FAM227B: variants seen among roughly 807,000 people sequenced by gnomAD.
FAM227B encodes the protein family with sequence similarity 227 member B.
A neutral mutation model predicts 73.8 loss-of-function variants in FAM227B; 88 were observed. That is an observed-to-expected ratio of 1.19 (90% CI 1.00 to 1.42). The LOEUF is 1.42. Ranked by LOEUF, FAM227B falls within the 40% of genes most tolerant of loss-of-function variation. FAM227B has a pLI of 0.00. For missense variants in FAM227B, 632 were observed against 590.9 expected, an observed-to-expected ratio of 1.07 and a Z score of -0.72; for synonymous variants, 210 against 190.5, an observed-to-expected ratio of 1.10 and a Z score of -0.84.
chr15:49,496,998 A>G (rs2057673781), intron 11 of FAM227B, among the ~76,000 whole-genome samples: 1 of 152,004 alleles, frequency 6.6e-6, no homozygotes, highest in African/African-American at 2.4e-5. Flanking sequence ...ATGAATCCTA[A>G]ACCACCAGTC....
chr15:49,372,225 TAAATG>T (rs2045891464), intron 11 of FAM227B, among the ~76,000 whole-genome samples: 4 of 149,910 alleles, frequency 2.7e-5, no homozygotes, highest in African/African-American at 9.8e-5. Context: ...CACTTATAAA[TAAATG>T]AAATAAAATT....
At chr15:49,471,473 ACT>A (rs1179282550) in intron 11 of FAM227B, among the ~76,000 whole-genome samples, 1 of 141,760 alleles carries the variant, frequency 7.1e-6, no homozygotes, top group Non-Finnish European at 1.5e-5. Flanking sequence ...ACAGAGTGAG[ACT>A]CTATCTCAAA....
In FAM227B at chr15:49,436,659, G is replaced by C. The variant is rs551291300; in HGVS notation, c.1013-65260C>G. On this transcript the variant is annotated intron_variant, in intron 11 of 15. Coordinates refer to ENST00000299338, the MANE Select transcript of FAM227B (RefSeq NM_152647.3). The stretch of plus-strand genomic sequence containing the variant: ...GGCAGACTTATGCTCATTTGCAGAT[G>C]GGGGAGATTTGGCTCACAGAATTAA... 3.3e-5 allele frequency among the ~76,000 whole-genome samples: 5 copies of C among 150,110 alleles called. No homozygotes were observed. In the East Asian group the frequency reaches 9.7e-4, roughly 29 times the overall value.
At chr15:49,420,232 AC>A (rs2049505373) in intron 11 of FAM227B, among the ~76,000 whole-genome samples, 1 of 152,164 alleles carries the variant, frequency 6.6e-6, no homozygotes, top group Non-Finnish European at 1.5e-5. Flanking sequence ...TTTATTCATT[AC>A]AGCATTTCTT....
intron 13 of FAM227B, among the ~76,000 whole-genome samples, chr15:49,366,848 T>C (rs1047025028): frequency 4.6e-5 from 7 of 152,176 alleles, no homozygotes; most frequent in African/African-American, 1.2e-4. Flanking sequence ...ATTTAGTGGC[T>C]AGTGTTCTAA....
At chr15:49,407,966 C>G (rs1449258529) in intron 11 of FAM227B, among the ~76,000 whole-genome samples, 1 of 152,080 alleles carries the variant, frequency 6.6e-6, no homozygotes, top group Non-Finnish European at 1.5e-5. Flanking sequence ...GCTTCTTTCA[C>G]TTAGCATAAT....
chr15:49,522,574 G>A (rs755408551), intron 10 of FAM227B, among the ~76,000 whole-genome samples: 21 of 151,880 alleles, frequency 1.4e-4, no homozygotes, highest in East Asian at 5.8e-4. Context: ...AGATGAAATC[G>A]ATATATTTTA....
intron 11 of FAM227B, among the ~76,000 whole-genome samples, chr15:49,446,686 G>A (rs1361846159): frequency 6.6e-6 from 1 of 151,534 alleles, no homozygotes; most frequent in Non-Finnish European, 1.5e-5. Flanking sequence ...TGTCTAGCTG[G>A]AGAATATGAT....
At chr15:49,372,299 T>TAAATAAATGAAATAAAATTCAC (rs1398032473) in intron 11 of FAM227B, among the ~76,000 whole-genome samples, 1 of 152,002 alleles carries the variant, frequency 6.6e-6, no homozygotes, top group African/African-American at 2.4e-5. Flanking sequence ...AATTCATTTA[T>TAAATAAATGAAATAAAATTCAC]TTACATTATG....
intron 13 of FAM227B, among the ~76,000 whole-genome samples, chr15:49,360,240 G>A (rs1402671900): frequency 2.7e-5 from 4 of 147,402 alleles, no homozygotes; most frequent in Non-Finnish European, 3.0e-5. Flanking sequence ...ATAGTATAAG[G>A]AAAAAAAAAA....
chr15:49,383,325 G>T (rs530612252), intron 11 of FAM227B, among the ~76,000 whole-genome samples: 1 of 152,102 alleles, frequency 6.6e-6, no homozygotes, highest in South Asian at 2.1e-4. Flanking sequence ...CAAGTCTGTT[G>T]TTGCCATTTT....
intron 11 of FAM227B, among the ~76,000 whole-genome samples, chr15:49,429,199 G>A (rs577680511): frequency 3.3e-5 from 5 of 152,010 alleles, no homozygotes; most frequent in South Asian, 2.1e-4. Flanking sequence ...ACATATCTAC[G>A]CAGTCGAACC....
intron 3 of FAM227B, among the ~76,000 whole-genome samples, chr15:49,595,600 T>C (rs1376911928): frequency 1.3e-5 from 2 of 151,806 alleles, no homozygotes; most frequent in East Asian, 3.8e-4. Flanking sequence ...TTTTATTACC[T>C]TAAGGTATGT....
chr15:49,580,586 T>C (rs2075750506), intron 5 of FAM227B, among the ~76,000 whole-genome samples: 1 of 152,198 alleles, frequency 6.6e-6, no homozygotes, highest in South Asian at 2.1e-4. Flanking sequence ...AAAGTGTCTT[T>C]TTCCTCCAAA....
chr15:49,464,016 A>C (rs1385705331), intron 11 of FAM227B, among the ~76,000 whole-genome samples: 3 of 152,102 alleles, frequency 2.0e-5, no homozygotes, highest in Non-Finnish European at 2.9e-5. Flanking sequence ...CACTTTTTAA[A>C]ACCTGGCTTT....
At chr15:49,533,939 T>C (rs914677396) in intron 10 of FAM227B, among the ~76,000 whole-genome samples, 1 of 151,906 alleles carries the variant, frequency 6.6e-6, no homozygotes, top group Non-Finnish European at 1.5e-5. Flanking sequence ...GTAGATCCTT[T>C]GCTCATTTAT....
intron 3 of FAM227B, among the ~76,000 whole-genome samples, chr15:49,593,131 C>T (rs2076681386): frequency 6.6e-6 from 1 of 152,206 alleles, no homozygotes; most frequent in African/African-American, 2.4e-5. Context: ...TCCCTGACCC[C>T]TTGCGCTTCC....
chr15:49,391,163 C>T (rs530392894), intron 11 of FAM227B, among the ~76,000 whole-genome samples: 9 of 152,116 alleles, frequency 5.9e-5, no homozygotes, highest in South Asian at 2.1e-4. Context: ...AATTAATCTA[C>T]CTCTATTAAG....
intron 11 of FAM227B, among the ~76,000 whole-genome samples, chr15:49,435,941 C>A (rs1030930208): frequency 6.6e-6 from 1 of 151,320 alleles, no homozygotes; most frequent in Non-Finnish European, 1.5e-5. Flanking sequence ...AATGTTAATT[C>A]TTTAAAAATA....
Sources: allele counts gnomAD v4.1 joint callset (sites outside exome capture counted in the v4.1 genomes callset), GRCh38; gene constraint gnomAD v4.1.1; transcripts MANE v1.5; gene names NCBI Gene and HGNC (gene_info 2026-07-23, HGNC 2026-07-21).